HERC6: variants seen among roughly 807,000 people sequenced by gnomAD.
HERC6 encodes probable E3 ubiquitin-protein ligase HERC6.
Under a neutral mutation model 114.5 loss-of-function variants are expected in HERC6, and 101 were observed. The ratio of observed to expected loss-of-function variants is 0.88; its 90% CI spans 0.75 to 1.04. The LOEUF is 1.04. Ranked by LOEUF, HERC6 falls within the 50% of genes least tolerant of loss-of-function variation. HERC6 has a pLI of 0.00. For synonymous variants in HERC6, 408 were observed against 436.2 expected (o/e 0.94, Z 0.81); for missense variants, 1,133 against 1,230.9 (o/e 0.92, Z 1.19).
intron 1 of HERC6, among the ~76,000 whole-genome samples, chr4:88,381,739 G>A (rs1361812739): frequency 1.3e-5 from 2 of 151,784 alleles, no homozygotes; most frequent in Non-Finnish European, 2.9e-5. Context: ...TATATTTTTA[G>A]TAGAGACGGG....
rs113815046 is a variant in HERC6 at position 88,405,116 on chromosome 4, T to C, written c.1214+119T>C. On this transcript the variant is annotated intron_variant, in intron 9 of 22. Coordinates refer to ENST00000264346, the MANE Select transcript of HERC6 (RefSeq NM_017912.4). ...GGTATTTGCATTTTGACCATGATTC[T>C]CTTCTACAGCCTCTTAGTGTGACTA... 4 of 1,244,536 alleles carry C rather than the reference T, an allele frequency of 3.2e-6. No individual in the cohort carries two copies. The African/African-American group carries it at 6.0e-5, about 19-fold the overall frequency. The allele number at this position is 1,244,536 out of a possible 1,614,324, so 77.1% of individuals were successfully genotyped here.
At chr4:88,410,983 T>C (rs1172862981) in intron 11 of HERC6, among the ~76,000 whole-genome samples, 1 of 152,188 alleles carries the variant, frequency 6.6e-6, no homozygotes, top group East Asian at 1.9e-4. Context: ...GAGCTCTGCA[T>C]TAGTTAGATA....
chr4:88,396,494 C>T (rs944338844), intron 6 of HERC6, among the ~76,000 whole-genome samples: 13 of 151,972 alleles, frequency 8.6e-5, no homozygotes, highest in Non-Finnish European at 1.6e-4. Flanking sequence ...TATATATTTT[C>T]GGAGTTCTGC....
In HERC6 at chr4:88,433,954, T is replaced by C. The variant is rs76297114; in HGVS notation, c.2251-1771T>C. The stretch of plus-strand genomic sequence containing the variant: ...TGGCTAAGGTGTGCCAATGGTATGA[T>C]TTTTTGTTGGTCAATCAGCAAGCAT... On this transcript the variant is annotated intron_variant, in intron 17 of 22. Transcript: ENST00000264346. Among the ~76,000 whole-genome samples, 368 of 152,322 alleles carry C rather than the reference T, an allele frequency of 2.4e-3. 2 individuals carry two copies. Among genetic ancestry groups the C allele is most frequent in the African/African-American group, 8.2e-3 (342 of 41,564 alleles).
chr4:88,401,990 T>C (rs1055253561), intron 8 of HERC6, among the ~76,000 whole-genome samples: 6 of 152,140 alleles, frequency 3.9e-5, no homozygotes, highest in Admixed American at 6.5e-5. Context: ...GTAAGTACAA[T>C]AGGAAATGGA....
chr4:88,431,131 C>T, intron 16 of HERC6, 31 bp from the exon 17 acceptor site: 1 of 1,579,560 alleles, frequency 6.3e-7, no homozygotes, highest in Non-Finnish European at 8.6e-7. Context: ...TATTTTAAGT[C>T]AGGATCTGGG....
At position 88,435,707 on chromosome 4, in the gene HERC6, T is replaced by A; in HGVS notation, c.2251-18T>A. ...TAATTATTTATAATACCTTAGGGAT[T>A]TTTTTCTTCTTTTCTAGCCTAAACC... On this transcript the variant is annotated intron_variant, in intron 17 of 22. Transcript: ENST00000264346. 7.0e-7 allele frequency: 1 copy of A among 1,437,790 alleles called. No individual in the cohort carries two copies. The highest frequency in any genetic ancestry group is 9.2e-7 in the Non-Finnish European group (1 of 1,086,752). 89.1% of individuals were successfully genotyped at this position (1,437,790 alleles called of 1,614,324 possible).
chr4:88,400,790 T>C (rs1270043456), intron 8 of HERC6, among the ~76,000 whole-genome samples: 1 of 152,178 alleles, frequency 6.6e-6, no homozygotes, highest in African/African-American at 2.4e-5. Context: ...TATTAGTTAT[T>C]GGTATTAATC....
intron 12 of HERC6, 118 bp downstream of exon 12, chr4:88,413,384 G>T: frequency 1.5e-6 from 1 of 648,410 alleles, no homozygotes; most frequent in Non-Finnish European, 2.6e-6. Flanking sequence ...AACATGGCAT[G>T]TAAATTATTG....
intron 20 of HERC6, 29 bp from the exon 21 acceptor site, chr4:88,439,845 T>TC: frequency 5.5e-6 from 3 of 540,828 alleles, no homozygotes; most frequent in East Asian, 1.9e-4. Flanking sequence ...TTCCTTTCTT[T>TC]TTTTTTTTTT....
chr4:88,379,373 A>G (rs1315039724), intron 1 of HERC6, among the ~76,000 whole-genome samples: 1 of 151,992 alleles, frequency 6.6e-6, no homozygotes. Flanking sequence ...CCGAAGAGCA[A>G]CTTCCTCAGT....
chr4:88,433,344 C>A (rs1738427903), intron 17 of HERC6, among the ~76,000 whole-genome samples: 1 of 152,070 alleles, frequency 6.6e-6, no homozygotes, highest in South Asian at 2.1e-4. Flanking sequence ...TGTTGAGCTT[C>A]TATTGTGTTA....
chr4:88,401,061 G>T, intron 8 of HERC6, among the ~76,000 whole-genome samples: 1 of 152,130 alleles, frequency 6.6e-6, no homozygotes, highest in Admixed American at 6.6e-5. Context: ...TATTGCAGAG[G>T]AGAGAGAAGG....
chr4:88,390,562 C>T, intron 3 of HERC6, 90 bp from the exon 4 acceptor site: 1 of 1,199,018 alleles, frequency 8.3e-7, no homozygotes, highest in Non-Finnish European at 1.1e-6. Context: ...CTCATTAAAG[C>T]CACAAAAAAG....
intron 22 of HERC6, among the ~76,000 whole-genome samples, chr4:88,441,954 T>G (rs1228897691): frequency 6.6e-6 from 1 of 152,188 alleles, no homozygotes; most frequent in Non-Finnish European, 1.5e-5. Flanking sequence ...CCCTGCTGAA[T>G]CCTTTAAGCT....
chr4:88,404,831 ACG>A, intron 8 of HERC6, 43 bp from the exon 9 acceptor site: 1 of 1,605,026 alleles, frequency 6.2e-7, no homozygotes, highest in Non-Finnish European at 8.5e-7. Context: ...TTACTACTGA[ACG>A]TGTGTGTGTT....
intron 3 of HERC6, among the ~76,000 whole-genome samples, chr4:88,386,501 C>T (rs768716744): frequency 5.3e-5 from 8 of 151,972 alleles, no homozygotes; most frequent in South Asian, 2.1e-4. Context: ...CCACTGTGCC[C>T]GGTCCCCAAT....
At chr4:88,383,423 G>T in intron 2 of HERC6, 43 bp downstream of exon 2, 1 of 1,410,966 alleles carries the variant, frequency 7.1e-7, no homozygotes, top group Non-Finnish European at 9.4e-7. Context: ...AATATATATA[G>T]TACCATGTGC....
chr4:88,402,152 C>G (rs2148888836), intron 8 of HERC6, among the ~76,000 whole-genome samples: 1 of 152,246 alleles, frequency 6.6e-6, no homozygotes, highest in Middle Eastern at 3.4e-3. Context: ...AGGTTTTACT[C>G]TAAAGGAGGT....
Sources: allele counts gnomAD v4.1 joint callset (sites outside exome capture counted in the v4.1 genomes callset), GRCh38; gene constraint gnomAD v4.1.1; transcripts MANE v1.5; gene names NCBI Gene and HGNC (gene_info 2026-07-23, HGNC 2026-07-21).